CIAO3: variants seen among roughly 807,000 people sequenced by gnomAD.
CIAO3 encodes the protein LET1 like/JFP15.
In CIAO3, 45 loss-of-function variants were observed where a neutral mutation model predicts 51.5. That is an observed-to-expected ratio of 0.87 (90% CI 0.69 to 1.12). The LOEUF (loss-of-function observed/expected upper bound fraction) is 1.12. Among genes scored for constraint, CIAO3 ranks in the 50% most tolerant of loss-of-function variants. CIAO3 has a pLI of 0.00. For missense variants in CIAO3, 668 were observed against 632.5 expected (o/e 1.06, Z -0.60); for synonymous variants, 314 against 269.3 (o/e 1.17, Z -1.63).
Position 730,594 on chromosome 16 carries a change from C to G in CIAO3, c.1254G>C (p.Gln418His). ...APDRPSRELL[Q>H]HVERLYGMVR... ...CCATGCCGTACAGTCTCTCCACGTG[C>G]TGGAGGAGCTCTCTGCTGGGCCTGT... Residue 418 changes from glutamine to histidine, a missense_variant, in exon 11 of 11, where the codon CAG becomes CAC. Coordinates refer to ENST00000251588, the MANE Select transcript of CIAO3 (RefSeq NM_022493.3). The G allele has an allele frequency of 6.2e-7, 1 of 1,610,848 alleles. No individual in the cohort carries two copies.
intron 1 of CIAO3, chr16:740,285 C>A (rs1395148518): frequency 1.1e-5 from 4 of 369,238 alleles, no homozygotes; most frequent in Admixed American, 7.5e-5. Flanking sequence ...CATGGACAGG[C>A]AGGTGCACCC....
rs1244020097 is a variant in CIAO3, at chr16:739,926, C to T, written c.67-188G>A. 11 of 1,364,862 alleles carry T rather than the reference C, an allele frequency of 8.1e-6. No homozygotes were observed. The South Asian group carries it at 1.0e-4, about 13-fold the overall frequency. 84.5% of individuals were successfully genotyped at this position (1,364,862 alleles called of 1,614,324 possible). On this transcript the variant is annotated intron_variant, in intron 1 of 10. Coordinates refer to ENST00000251588, the MANE Select transcript of CIAO3 (RefSeq NM_022493.3). ...TGCTCTCACCCAGGGATCGGGTTCCCAACATCCTGCGGCACTGAAGTTCCC... is the reference window on the plus strand; with the variant it reads ...TGCTCTCACCCAGGGATCGGGTTCCTAACATCCTGCGGCACTGAAGTTCCC...
chr16:736,655 C>A (rs574548163), intron 3 of CIAO3, among the ~76,000 whole-genome samples: 1 of 152,084 alleles, frequency 6.6e-6, no homozygotes, highest in Non-Finnish European at 1.5e-5. Flanking sequence ...CGTGAACCAC[C>A]GTGCCTGGCC....
chr16:730,943 G>T lies in CIAO3; in HGVS notation c.1092C>A (p.Phe364Leu), dbSNP rs763232047. Residue 364 changes from phenylalanine to leucine, a missense_variant, in exon 10 of 11, where the codon TTC becomes TTA. Transcript: ENST00000251588. ...LEKEGQVLLH[F>L]AMAYGFRNIQ... ...TGTTGCGGAAGCCGTACGCCATTGC[G>T]AAGTGCAGCAGCACCTGGCCCTCCT... 6.2e-7 allele frequency: 1 copy of T among 1,612,980 alleles called. No homozygotes were observed. The highest frequency in any genetic ancestry group is 1.1e-5 in the South Asian group (1 of 91,088).
At chr16:738,213 C>A (rs903245474) in intron 2 of CIAO3, 4 of 993,076 alleles carry the variant, frequency 4.0e-6, no homozygotes, top group Admixed American at 1.1e-4. Flanking sequence ...CACCCCAGCA[C>A]CTTCCAGGGG....
intron 1 of CIAO3, chr16:740,028 C>T (rs1336564592): frequency 1.4e-6 from 2 of 1,432,222 alleles, no homozygotes; most frequent in Non-Finnish European, 9.3e-7. Flanking sequence ...TGACCTTCAC[C>T]CTTCACGTGA....
intron 8 of CIAO3, 151 bp from the exon 9 acceptor site, chr16:731,853 C>A: frequency 9.6e-7 from 1 of 1,036,320 alleles, no homozygotes; most frequent in Non-Finnish European, 1.3e-6. Flanking sequence ...CACCAGCCAT[C>A]ACAGGGGCCC....
intron 9 of CIAO3, 60 bp from the exon 10 acceptor site, chr16:731,060 G>C (rs1453236163): frequency 1.3e-6 from 2 of 1,595,138 alleles, no homozygotes; most frequent in Non-Finnish European, 1.7e-6. Flanking sequence ...TGCCTGCCTG[G>C]AAGGGGAGGC....
intron 2 of CIAO3, chr16:738,299 G>A: frequency 1.0e-6 from 1 of 985,848 alleles, no homozygotes; most frequent in Non-Finnish European, 1.2e-6. Flanking sequence ...ATGAGATCAG[G>A]CAGACGTTTT....
Position 739,150 on chromosome 16 carries a change from T to C in CIAO3, c.162+493A>G, listed in dbSNP as rs2041367523. On this transcript the variant is annotated intron_variant, in intron 2 of 10. Transcript: ENST00000251588. ...GTCTCTACTAAAAATACAAAAAACA[T>C]TAGCTGGGCGTGGTGGTGGCCGCCT... 2.0e-5 allele frequency among the ~76,000 whole-genome samples: 3 copies of C among 151,476 alleles called. No homozygotes were observed. In the South Asian group the frequency reaches 6.3e-4, roughly 32 times the overall value.
chr16:731,661 C>T lies in CIAO3; in HGVS notation c.938G>A (p.Gly313Glu), dbSNP rs1434233617. 16 of 1,557,780 alleles carry T rather than the reference C, an allele frequency of 1.0e-5. No homozygotes were observed. Among genetic ancestry groups the T allele is most frequent in the Non-Finnish European group, 1.4e-5 (16 of 1,151,844 alleles). The change falls in exon 9 of 11, where the codon GGA becomes GAA. Residue 313 changes from glycine to glutamate, a missense_variant. Physicochemically the swap from Gly to Glu is moderately conservative, Grantham distance 98. Coordinates refer to ENST00000251588, the MANE Select transcript of CIAO3 (RefSeq NM_022493.3). Reference protein sequence around the residue: ...ASAEEPTSHRGGGSGGYLEHV... With the variant: ...ASAEEPTSHREGGSGGYLEHV... ...CTCCAGGTAGCCCCCCGAGCCCCCT[C>T]CCCGATGGCTGGTGGGCTCCTCTGC...
intron 7 of CIAO3, chr16:733,009 G>A: frequency 2.4e-6 from 1 of 414,326 alleles, no homozygotes; most frequent in Non-Finnish European, 4.5e-6. Flanking sequence ...ACTCATGGGA[G>A]CTGAAGAGGC....
chr16:733,454 C>T, intron 6 of CIAO3, 27 bp from the exon 7 acceptor site: 2 of 1,612,882 alleles, frequency 1.2e-6, no homozygotes. Context: ...ACACTTGTCT[C>T]CCCAATCCCA....
At position 730,085 on chromosome 16, in the gene CIAO3, GCC is replaced by G. The variant is rs1226093080; in HGVS notation, c.*330_*331del. 4 of 455,972 alleles carry G rather than the reference GCC, an allele frequency of 8.8e-6. No homozygotes were observed. The highest frequency in any genetic ancestry group is 1.6e-5 in the Non-Finnish European group (4 of 250,620). 28.2% of individuals were successfully genotyped at this position (455,972 alleles called of 1,614,324 possible). A position where few individuals can be genotyped will look rare whatever the true frequency, so the allele number is the denominator to read the frequency against. On this transcript the variant is annotated 3_prime_UTR_variant, in exon 11 of 11. Coordinates refer to ENST00000251588, the MANE Select transcript of CIAO3 (RefSeq NM_022493.3). ...TCAGGCAACCCCGGGACAGGCTGAA[GCC>G]CCTCACGCACTTGGGTGCCCGACCA...
chr16:733,715 C>T (rs1053644006), intron 6 of CIAO3: 12 of 449,648 alleles, frequency 2.7e-5, no homozygotes, highest in Non-Finnish European at 4.9e-5. Context: ...TCTCACTGCA[C>T]AGCAGCCGGG....
chr16:738,053 T>A, intron 2 of CIAO3: 2 of 1,077,804 alleles, frequency 1.9e-6, no homozygotes, highest in Non-Finnish European at 2.3e-6. Flanking sequence ...AGCTCTCTGC[T>A]AGGCCTGTGT....
chr16:736,917 G>A, intron 3 of CIAO3: 1 of 466,974 alleles, frequency 2.1e-6, no homozygotes, highest in Non-Finnish European at 3.9e-6. Context: ...ACCCGGCTCA[G>A]CCTCCCAAAG....
intron 1 of CIAO3, 21 bp downstream of exon 1, chr16:740,899 C>T (rs1298575208): frequency 1.3e-6 from 2 of 1,527,476 alleles, no homozygotes; most frequent in South Asian, 2.4e-5. Flanking sequence ...GCCTCGACCC[C>T]GCCCGCCCAG....
At chr16:735,093 GT>G (rs1286737473) in intron 4 of CIAO3, 1 of 536,874 alleles carries the variant, frequency 1.9e-6, no homozygotes, top group Non-Finnish European at 3.1e-6. Flanking sequence ...GGCATCCCCT[GT>G]GAACCCAGGC....
Sources: gnomAD v4.1 joint callset for allele counts (sites outside exome capture counted in the v4.1 genomes callset) on GRCh38, gnomAD v4.1.1 for gene constraint, MANE v1.5 for transcripts, NCBI Gene and HGNC (gene_info 2026-07-23, HGNC 2026-07-21) for gene names.